The following RGPD4 variants were observed in gnomAD, a reference collection of about 807,000 sequenced individuals.
The protein encoded by RGPD4 is RANBP2 like and GRIP domain containing 4.
A neutral mutation model predicts 141.1 loss-of-function variants in RGPD4; 84 were observed. The observed-to-expected ratio is 0.60, with a 90% CI of 0.50 to 0.71. The LOEUF (loss-of-function observed/expected upper bound fraction) is 0.71, where lower values mean the gene tolerates loss of function less well. RGPD4 is among the 30% of genes least tolerant of loss of function. RGPD4 has a pLI of 0.00. For missense variants in RGPD4, 918 were observed against 1,622.4 expected, an observed-to-expected ratio of 0.57 and a Z score of 7.46; for synonymous variants, 298 against 566.8, an observed-to-expected ratio of 0.53 and a Z score of 6.74.
At chr2:107,859,602 A>G in intron 11 of RGPD4, 48 bp downstream of exon 11, 1 of 1,611,628 alleles carries the variant, frequency 6.2e-7, no homozygotes, top group African/African-American at 1.3e-5. Context: ...CGTAGGTTTT[A>G]CCAGGGATTT....
Position 107,872,744 on chromosome 2 carries a change from T to C in RGPD4, c.4740T>C (p.Ser1580=). 6.2e-7 allele frequency: 1 copy of C among 1,611,654 alleles called. No homozygotes were observed. The highest frequency in any genetic ancestry group is 8.5e-7 in the Non-Finnish European group (1 of 1,179,866). The change falls in exon 20 of 23, where the codon AGT becomes AGC. Residue 1580 remains serine (S), a synonymous_variant. Transcript: ENST00000408999. ...FGFSFNASLK[S]NNSETSSVAQ... Reference sequence around the variant, plus strand: ...TTAGTTTTAATGCATCTTTGAAAAGTAACAACAGTGAAACTAGTTCAGTAG... The same window carrying C: ...TTAGTTTTAATGCATCTTTGAAAAGCAACAACAGTGAAACTAGTTCAGTAG...
chr2:107,854,475 T>C, intron 7 of RGPD4, 81 bp from the exon 8 acceptor site: 2 of 766,306 alleles, frequency 2.6e-6, no homozygotes, highest in Non-Finnish European at 4.2e-6. Context: ...TCAAAAAAAG[T>C]ACAGTGTAAT....
At chr2:107,832,156 A>G (rs1206840460) in intron 1 of RGPD4, among the ~76,000 whole-genome samples, 3 of 152,066 alleles carry the variant, frequency 2.0e-5, no homozygotes, top group East Asian at 3.9e-4. Context: ...GGTCAAACTG[A>G]TCACATAATC....
chr2:107,872,107 A>G lies in RGPD4; in HGVS notation c.4103A>G (p.Asp1368Gly), dbSNP rs776538346. The part of the protein sequence containing the change: ...FSHRAELYRY[D>G]KDVGQWKERG... ...CACAGGGCAGAACTCTACAGATATG[A>G]TAAAGATGTTGGTCAATGGAAAGAA... Residue 1368 changes from aspartate to glycine, a missense_variant, in exon 20 of 23, where the codon GAT becomes GGT. Physicochemically the swap from Asp to Gly is moderately conservative, Grantham distance 94. Transcript: ENST00000408999. 3.1e-6 allele frequency: 5 copies of G among 1,611,274 alleles called. No individual in the cohort carries two copies. The African/African-American group carries it at 6.7e-5, about 22-fold the overall frequency.
chr2:107,857,293 T>C (rs4012424), intron 9 of RGPD4, among the ~76,000 whole-genome samples: 5 of 151,764 alleles, frequency 3.3e-5, no homozygotes, highest in East Asian at 1.9e-4. Context: ...CCCACCACCA[T>C]GCCCGGCTAA....
In RGPD4 at chr2:107,882,801, C is replaced by A; in HGVS notation, c.5194C>A (p.Leu1732Ile). ...FLKPGSERER[L>I]LPVINTMLQL... The stretch of plus-strand genomic sequence containing the variant: ...GAAGCCAGGTAGTGAAAGAGAGAGA[C>A]TTCTTCCTGTTATAAATACGATGTT... Residue 1732 changes from leucine to isoleucine, a missense_variant, in exon 22 of 23, where the codon CTT (leucine) becomes ATT (isoleucine). By Grantham distance (5) the Leu-to-Ile change is conservative. Transcript: ENST00000408999. 1.2e-6 allele frequency: 2 copies of A among 1,611,196 alleles called. No homozygotes were observed. Among genetic ancestry groups the A allele is most frequent in the Non-Finnish European group, 8.5e-7 (1 of 1,179,762 alleles).
rs778490324 is a variant in RGPD4 at position 107,827,075 on chromosome 2, C to T, written c.62C>T (p.Ser21Leu). The stretch of plus-strand genomic sequence containing the variant: ...GCCTCCGTGCAGGGCTCCGCCCCGT[C>T]GCCTCGAAAGGTGAGTGGATCTCGA... ...YVASVQGSAP[S>L]PRKKSTRGFY... is the part of the protein sequence containing the mutation. The change falls in exon 1 of 23, where the codon TCG (serine) becomes TTG (leucine). Residue 21 changes from serine to leucine, a missense_variant. Physicochemically the swap from Ser to Leu is moderately radical, Grantham distance 145. Transcript: ENST00000408999. The T allele has an allele frequency of 1.4e-5, 22 of 1,591,032 alleles. No homozygotes were observed. The highest frequency in any genetic ancestry group is 1.8e-5 in the Non-Finnish European group (21 of 1,170,134).
At chr2:107,886,577 T>C (rs1332649612) in intron 22 of RGPD4, among the ~76,000 whole-genome samples, 1 of 150,914 alleles carries the variant, frequency 6.6e-6, no homozygotes, top group Non-Finnish European at 1.5e-5. Flanking sequence ...ATTTCCTAGG[T>C]AAAAGGTCTA....
intron 9 of RGPD4, among the ~76,000 whole-genome samples, chr2:107,858,562 C>T (rs1682419791): frequency 6.6e-6 from 1 of 152,236 alleles, no homozygotes; most frequent in South Asian, 2.1e-4. Context: ...CCTCAGCCTC[C>T]CACGTAGCTG....
chr2:107,880,243 T>A, intron 21 of RGPD4, 136 bp downstream of exon 21: 1 of 1,009,310 alleles, frequency 9.9e-7, no homozygotes, highest in Non-Finnish European at 1.4e-6. Context: ...AGATTCCTGA[T>A]GGTGAGAAAT....
In RGPD4 at chr2:107,872,497, A is replaced by G; in HGVS notation, c.4493A>G (p.Glu1498Gly). The change falls in exon 20 of 23, where the codon GAA (glutamate) becomes GGA (glycine). Residue 1498 changes from glutamate (E) to glycine (G), a missense_variant. Glu to Gly is a moderately conservative substitution (Grantham distance 98). Coordinates refer to ENST00000408999, the MANE Select transcript of RGPD4 (RefSeq NM_182588.3). The stretch of plus-strand genomic sequence containing the variant: ...GGCAAAATTGCTGTAGCTGTATTAG[A>G]AGAAACCACAAGAGAGAGGACAGAT... Reference protein sequence around the residue: ...PCGKIAVAVLEETTRERTDVI... With the variant: ...PCGKIAVAVLGETTRERTDVI... The G allele has an allele frequency of 1.3e-6, 2 of 1,544,546 alleles. No individual in the cohort carries two copies. The highest frequency in any genetic ancestry group is 8.8e-7 in the Non-Finnish European group (1 of 1,139,888).
chr2:107,829,876 A>C (rs1427457251), intron 1 of RGPD4, among the ~76,000 whole-genome samples: 1 of 149,168 alleles, frequency 6.7e-6, no homozygotes, highest in East Asian at 2.0e-4. Context: ...GTTTCTTCCC[A>C]TCTCCTGGAC....
At chr2:107,883,738 C>A (rs1675434887) in intron 22 of RGPD4, among the ~76,000 whole-genome samples, 1 of 150,512 alleles carries the variant, frequency 6.6e-6, no homozygotes, top group Admixed American at 6.6e-5. Flanking sequence ...TCATATACAA[C>A]TGCTATAGTT....
At chr2:107,857,279 A>C (rs1458471867) in intron 9 of RGPD4, among the ~76,000 whole-genome samples, 1 of 151,544 alleles carries the variant, frequency 6.6e-6, no homozygotes, top group Non-Finnish European at 1.5e-5. Flanking sequence ...CGGGATTACA[A>C]ATGCCCACCA....
At chr2:107,852,242 C>T (rs1682141598) in intron 7 of RGPD4, among the ~76,000 whole-genome samples, 2 of 78,328 alleles carry the variant, frequency 2.6e-5, no homozygotes, top group South Asian at 1.0e-3. Context: ...CAGAGCGAGA[C>T]TCCATCTCAA....
chr2:107,881,762 T>C (rs1320871936), intron 21 of RGPD4, among the ~76,000 whole-genome samples: 1 of 151,506 alleles, frequency 6.6e-6, no homozygotes, highest in African/African-American at 2.4e-5. Flanking sequence ...AAGCTATGGC[T>C]TGGTTTCAAC....
At chr2:107,873,337 T>C (rs1573523665) in intron 20 of RGPD4, among the ~76,000 whole-genome samples, 1 of 114,182 alleles carries the variant, frequency 8.8e-6, no homozygotes, top group Admixed American at 8.7e-5. Context: ...CTTTGGGAGG[T>C]TGAGGTGGGC....
At chr2:107,857,231 G>T (rs548335872) in intron 9 of RGPD4, among the ~76,000 whole-genome samples, 2 of 151,200 alleles carry the variant, frequency 1.3e-5, no homozygotes, top group South Asian at 2.1e-4. Context: ...TCTGCCTCCC[G>T]GGTTCAAGTG....
intron 7 of RGPD4, among the ~76,000 whole-genome samples, chr2:107,852,250 CA>C (rs374226591): frequency 0.28 from 31,392 of 113,936 alleles, 3,018 homozygotes; most frequent in African/African-American, 0.37. Flanking sequence ...GACTCCATCT[CA>C]AAAAAAAAAA....
Sources: allele counts gnomAD v4.1 joint callset (sites outside exome capture counted in the v4.1 genomes callset), GRCh38; gene constraint gnomAD v4.1.1; transcripts MANE v1.5; gene names NCBI Gene and HGNC (gene_info 2026-07-23, HGNC 2026-07-21).